Variants in AP3D1 observed in about 807,000 individuals in gnomAD.
The protein encoded by AP3D1 is adaptor related protein complex 3 subunit delta 1.
Under a neutral mutation model 147.6 loss-of-function variants are expected in AP3D1, and 51 were observed. The observed-to-expected ratio is 0.35, with a 90% CI of 0.28 to 0.44. AP3D1 has a LOEUF of 0.44. Among genes scored for constraint, AP3D1 ranks in the 20% least tolerant of loss-of-function variants. The pLI is 1.00. For missense variants in AP3D1, 1,421 were observed against 1,624.2 expected, an observed-to-expected ratio of 0.87 and a Z score of 2.15; for synonymous variants, 760 against 663.0, an observed-to-expected ratio of 1.15 and a Z score of -2.25.
intron 1 of AP3D1, among the ~76,000 whole-genome samples, chr19:2,162,263 C>A (rs1441045569): frequency 6.7e-6 from 1 of 149,932 alleles, no homozygotes; most frequent in Non-Finnish European, 1.5e-5. Context: ...GTCTCGATCT[C>A]CTGACCTCGT....
intron 1 of AP3D1, among the ~76,000 whole-genome samples, chr19:2,150,066 C>A (rs947585695): frequency 1.3e-5 from 2 of 152,204 alleles, no homozygotes; most frequent in Non-Finnish European, 2.9e-5. Context: ...GAAGCCACAC[C>A]ACTTCCAGGA....
At chr19:2,160,127 G>A (rs1437373813) in intron 1 of AP3D1, among the ~76,000 whole-genome samples, 1 of 152,134 alleles carries the variant, frequency 6.6e-6, no homozygotes, top group Non-Finnish European at 1.5e-5. Context: ...GGAATTACAG[G>A]CGTGAGCCAC....
At chr19:2,123,461 C>T in intron 10 of AP3D1, 55 bp from the exon 11 acceptor site, 1 of 1,575,458 alleles carries the variant, frequency 6.3e-7, no homozygotes, top group Non-Finnish European at 8.7e-7. Flanking sequence ...AGGGTGAGTC[C>T]CACAGGTACC....
At chr19:2,158,305 C>T (rs563707453) in intron 1 of AP3D1, among the ~76,000 whole-genome samples, 1 of 151,892 alleles carries the variant, frequency 6.6e-6, no homozygotes, top group South Asian at 2.1e-4. Context: ...ATCCGCCCAC[C>T]TCGGCCTCCC....
At chr19:2,117,665 C>T (rs1003868463) in intron 15 of AP3D1, among the ~76,000 whole-genome samples, 3 of 152,266 alleles carry the variant, frequency 2.0e-5, no homozygotes, top group East Asian at 1.9e-4. Context: ...CCACCTCCCT[C>T]GGCCCCCGCG....
chr19:2,119,340 C>T (rs1395418357), intron 14 of AP3D1, among the ~76,000 whole-genome samples: 3 of 152,046 alleles, frequency 2.0e-5, no homozygotes, highest in African/African-American at 7.2e-5. Context: ...AGGCAGATCA[C>T]GAGGTCAGGA....
At chr19:2,144,768 T>C (rs940072803) in intron 1 of AP3D1, among the ~76,000 whole-genome samples, 1 of 152,128 alleles carries the variant, frequency 6.6e-6, no homozygotes, top group African/African-American at 2.4e-5. Context: ...CTTGGTATGG[T>C]GGTGCATGCC....
Position 2,123,419 on chromosome 19 carries a change from A to C in AP3D1, c.907-13T>G. ...TCTGAACACAAAGCTGAAAAGAAGAAAAAAACGATGCTGGTTACATCCTCT... is the reference window on the plus strand; with the variant it reads ...TCTGAACACAAAGCTGAAAAGAAGACAAAAACGATGCTGGTTACATCCTCT... On this transcript the variant is annotated splice_polypyrimidine_tract_variant and intron_variant, in intron 10 of 31. Transcript: ENST00000643116. The C allele has an allele frequency of 6.2e-7, 1 of 1,613,862 alleles. No individual in the cohort carries two copies.
chr19:2,150,624 G>C (rs907949584), intron 1 of AP3D1, among the ~76,000 whole-genome samples: 2 of 152,148 alleles, frequency 1.3e-5, no homozygotes, highest in African/African-American at 4.8e-5. Context: ...GGGCACTGGA[G>C]GCAACGCCCC....
intron 27 of AP3D1, 68 bp downstream of exon 27, chr19:2,110,639 G>A (rs1599442910): frequency 8.3e-6 from 12 of 1,445,284 alleles, no homozygotes; most frequent in African/African-American, 1.4e-5. Flanking sequence ...CAGCGGATCC[G>A]GGCAGTCACC....
intron 1 of AP3D1, among the ~76,000 whole-genome samples, chr19:2,143,333 T>C (rs1275335105): frequency 1.4e-5 from 2 of 140,282 alleles, no homozygotes; most frequent in East Asian, 2.3e-4. Context: ...CTCCACCTCC[T>C]GGGTTCATGC....
chr19:2,111,360 T>C (rs767155957), intron 25 of AP3D1, 28 bp from the exon 26 acceptor site: 1 of 1,613,548 alleles, frequency 6.2e-7, no homozygotes, highest in South Asian at 1.1e-5. Context: ...GCATCAGCCT[T>C]GGGGGCCCCG....
chr19:2,138,439 C>G (rs1463217154), intron 2 of AP3D1, among the ~76,000 whole-genome samples, 180 bp downstream of exon 2: 1 of 152,218 alleles, frequency 6.6e-6, no homozygotes, highest in Admixed American at 6.5e-5. Context: ...GGCCTGTTTG[C>G]CAGCCATGTG....
At chr19:2,154,541 T>G (rs997767942), upstream of AP3D1, among the ~76,000 whole-genome samples, 4 of 152,098 alleles carry the variant, frequency 2.6e-5, no homozygotes, top group Non-Finnish European at 5.9e-5. Flanking sequence ...CCTCCCAAAG[T>G]GCTGGGAATA....
intron 26 of AP3D1, 100 bp downstream of exon 26, chr19:2,111,185 C>A: frequency 6.8e-7 from 1 of 1,464,260 alleles, no homozygotes; most frequent in Non-Finnish European, 9.4e-7. Context: ...CCTGGGTATA[C>A]CAACATCCGG....
intron 31 of AP3D1, among the ~76,000 whole-genome samples, chr19:2,107,334 G>A (rs1429360679): frequency 1.3e-5 from 2 of 151,898 alleles, no homozygotes; most frequent in Admixed American, 6.6e-5. Context: ...TAGTGAACAT[G>A]AGCCAGAAGA....
At chr19:2,161,513 T>G (rs2019698796) in intron 1 of AP3D1, among the ~76,000 whole-genome samples, 1 of 152,156 alleles carries the variant, frequency 6.6e-6, no homozygotes, top group Admixed American at 6.5e-5. Flanking sequence ...AAAAGTTCTT[T>G]TTTTTTCCAC....
rs753143663 is a variant in AP3D1, at chr19:2,110,884, G to A, written c.2998C>T (p.Arg1000Trp). 49 of 1,612,978 alleles carry A rather than the reference G, an allele frequency of 3.0e-5. No homozygotes were observed. The highest frequency in any genetic ancestry group is 1.8e-4 in the South Asian group (16 of 91,056). Residue 1000 changes from arginine to tryptophan, a missense_variant, in exon 27 of 32, where the codon CGG becomes TGG. By Grantham distance (101) the Arg-to-Trp change is moderately radical. Around this residue, in one of 6 missense-constraint regions of AP3D1, gnomAD observed 791 missense variants for 761.4 expected, o/e 1.04. Transcript: ENST00000643116. ...NSYVKMTCDI[R>W]GSLQEDSQVT... ...TGGCTGTCCTCCTGCAGACTGCCCCGGATGTCACAGGTCTGCAGGGCATGG... is the reference window on the plus strand; with the variant it reads ...TGGCTGTCCTCCTGCAGACTGCCCCAGATGTCACAGGTCTGCAGGGCATGG...
chr19:2,109,580 A>G (rs1041026244), intron 29 of AP3D1: 7 of 495,530 alleles, frequency 1.4e-5, no homozygotes, highest in Non-Finnish European at 2.2e-5. Context: ...TGCCGAGGAG[A>G]GGCTTCAGGA....
Sources: gnomAD v4.1 joint callset for allele counts (sites outside exome capture counted in the v4.1 genomes callset) on GRCh38, gnomAD v4.1.1 for gene constraint, gnomAD v4.1.1 regional missense constraint, MANE v1.5 for transcripts, NCBI Gene and HGNC (gene_info 2026-07-23, HGNC 2026-07-21) for gene names.